PCDHA2: variants seen among roughly 807,000 people sequenced by gnomAD.
PCDHA2 encodes the protein protocadherin alpha-2.
In PCDHA2, 58 loss-of-function variants were observed where a neutral mutation model predicts 66.0. That is an observed-to-expected ratio of 0.88 (90% CI 0.71 to 1.09). The LOEUF (loss-of-function observed/expected upper bound fraction) is 1.09. Among genes scored for constraint, PCDHA2 ranks in the 50% least tolerant of loss-of-function variants. The pLI is 0.00. For synonymous variants in PCDHA2, 634 were observed against 554.0 expected (o/e 1.14, Z -2.03); for missense variants, 1,267 against 1,242.3 (o/e 1.02, Z -0.30).
Position 141,010,780 on chromosome 5 carries a change from TGCAAAA to T in PCDHA2, c.*851_*856del, listed in dbSNP as rs1309288663. 1 of 153,816 alleles carries T rather than the reference TGCAAAA, an allele frequency of 6.5e-6. No homozygotes were observed. The highest frequency in any genetic ancestry group is 1.9e-4 in the East Asian group (1 of 5,188). The allele number at this position is 153,816 out of a possible 1,614,324, so 9.5% of individuals were successfully genotyped here. On this transcript the variant is annotated 3_prime_UTR_variant, in exon 4 of 4. Transcript: ENST00000526136. ...AGGCCAGATCCTTTTCCAATACTTATGCAAAAGCAAAAGAAAACCCCGACACCTCAC... is the reference window on the plus strand; with the variant it reads ...AGGCCAGATCCTTTTCCAATACTTATGCAAAAGAAAACCCCGACACCTCAC...
intron 1 of PCDHA2, among the ~76,000 whole-genome samples, chr5:140,891,557 A>G (rs549418095): frequency 6.6e-6 from 1 of 151,608 alleles, no homozygotes; most frequent in Non-Finnish European, 1.5e-5. Flanking sequence ...TTATTTTAGT[A>G]CTCTAATTAA....
chr5:140,932,687 T>A (rs1285364025), intron 1 of PCDHA2, among the ~76,000 whole-genome samples: 2 of 151,810 alleles, frequency 1.3e-5, no homozygotes, highest in Non-Finnish European at 2.9e-5. Context: ...TATATTCAAA[T>A]TAAAAAACTC....
chr5:141,002,090 A>G (rs1554258504), intron 3 of PCDHA2, among the ~76,000 whole-genome samples: 1 of 152,254 alleles, frequency 6.6e-6, no homozygotes, highest in Non-Finnish European at 1.5e-5. Context: ...CGAGCAGTCC[A>G]GGGGCTGGGC....
intron 1 of PCDHA2, among the ~76,000 whole-genome samples, chr5:140,964,181 T>A (rs1563333888): frequency 6.6e-6 from 1 of 152,218 alleles, no homozygotes; most frequent in African/African-American, 2.4e-5. Context: ...ATCATTATAG[T>A]GCCAAATAGA....
chr5:140,836,378 G>C (rs2150259168), intron 1 of PCDHA2: 13 of 1,613,632 alleles, frequency 8.1e-6, no homozygotes, highest in Non-Finnish European at 1.1e-5. Flanking sequence ...CAGCCACCGT[G>C]CTGGTGTCGC....
intron 1 of PCDHA2, chr5:140,801,474 G>A: frequency 6.2e-7 from 1 of 1,614,096 alleles, no homozygotes; most frequent in Non-Finnish European, 8.5e-7. Context: ...GATAGACCGC[G>A]AGGAACTGTG....
chr5:140,829,425 T>G (rs2150167679), intron 1 of PCDHA2: 1 of 1,613,952 alleles, frequency 6.2e-7, no homozygotes, highest in South Asian at 1.1e-5. Flanking sequence ...TCTGTGGAGG[T>G]GGCCGACATG....
At chr5:140,863,360 G>T in intron 1 of PCDHA2, 1 of 1,206,130 alleles carries the variant, frequency 8.3e-7, no homozygotes, top group Non-Finnish European at 1.2e-6. Context: ...ACGCTGCGGT[G>T]CTTGGCGCAG....
chr5:140,968,099 G>A, intron 1 of PCDHA2: 3 of 1,614,100 alleles, frequency 1.9e-6, no homozygotes, highest in South Asian at 1.1e-5. Flanking sequence ...CACAGATGGG[G>A]GAATACCGCA....
chr5:140,961,887 G>GTT (rs35680913), intron 1 of PCDHA2, among the ~76,000 whole-genome samples: 78 of 143,932 alleles, frequency 5.4e-4, no homozygotes, highest in African/African-American at 1.2e-3. Flanking sequence ...ACTTACATCA[G>GTT]TTTTTTTTTT....
At chr5:140,943,529 A>T (rs1291911076) in intron 1 of PCDHA2, among the ~76,000 whole-genome samples, 1 of 152,220 alleles carries the variant, frequency 6.6e-6, no homozygotes, top group Non-Finnish European at 1.5e-5. Context: ...TCAGTATGCA[A>T]AATGTCATGT....
intron 1 of PCDHA2, 163 bp from the exon 2 acceptor site, chr5:140,978,786 G>C (rs2096822943): frequency 1.4e-5 from 14 of 972,674 alleles, no homozygotes; most frequent in Non-Finnish European, 1.3e-5. Context: ...CTTCTAAAGT[G>C]CTATATATGT....
At chr5:140,898,965 G>A (rs2067069000) in intron 1 of PCDHA2, among the ~76,000 whole-genome samples, 1 of 152,044 alleles carries the variant, frequency 6.6e-6, no homozygotes, top group Non-Finnish European at 1.5e-5. Flanking sequence ...GTGAATGGGA[G>A]TTCACTCATG....
At chr5:140,976,403 TA>T (rs1469780321) in intron 1 of PCDHA2, among the ~76,000 whole-genome samples, 1 of 151,936 alleles carries the variant, frequency 6.6e-6, no homozygotes, top group Non-Finnish European at 1.5e-5. Flanking sequence ...ATTCAAAAAT[TA>T]GCCAGGTACG....
intron 1 of PCDHA2, chr5:140,881,378 G>A (rs2058692175): frequency 1.0e-6 from 1 of 984,802 alleles, no homozygotes; most frequent in Non-Finnish European, 1.2e-6. Context: ...ATTGCAGCCG[G>A]CGGCGGTAAG....
intron 1 of PCDHA2, among the ~76,000 whole-genome samples, chr5:140,846,287 T>G (rs1554141208): frequency 6.7e-6 from 1 of 149,424 alleles, no homozygotes; most frequent in East Asian, 1.9e-4. Flanking sequence ...ATGTTGTAGT[T>G]CTATGAATTA....
At chr5:140,828,863 G>A (rs2150159880) in intron 1 of PCDHA2, 2 of 1,614,200 alleles carry the variant, frequency 1.2e-6, no homozygotes, top group East Asian at 2.2e-5. Context: ...TGCAGACAAC[G>A]GAACAACAGT....
intron 3 of PCDHA2, among the ~76,000 whole-genome samples, chr5:140,998,253 T>C (rs1245576621): frequency 6.6e-6 from 1 of 152,232 alleles, no homozygotes; most frequent in Non-Finnish European, 1.5e-5. Context: ...CTCATTTTAC[T>C]GCTAAGAAAA....
intron 3 of PCDHA2, among the ~76,000 whole-genome samples, chr5:140,995,389 G>T (rs1377788418): frequency 6.6e-6 from 1 of 152,190 alleles, no homozygotes; most frequent in Non-Finnish European, 1.5e-5. Context: ...GCAGGATAAA[G>T]CGGGATGGCT....
Sources: gnomAD v4.1 joint callset for allele counts (sites outside exome capture counted in the v4.1 genomes callset) on GRCh38, gnomAD v4.1.1 for gene constraint, MANE v1.5 for transcripts, NCBI Gene and HGNC (gene_info 2026-07-23, HGNC 2026-07-21) for gene names.